COPG2: variants seen among roughly 807,000 people sequenced by gnomAD.
COPG2 encodes the protein coatomer subunit gamma-2.
In COPG2, 37 loss-of-function variants were observed where a neutral mutation model predicts 46.3. The ratio of observed to expected loss-of-function variants is 0.80; its 90% CI spans 0.61 to 1.05. The LOEUF (loss-of-function observed/expected upper bound fraction) is 1.05. Among genes scored for constraint, COPG2 ranks in the 50% least tolerant of loss-of-function variants. The probability of loss-of-function intolerance (pLI) is 0.00; values close to 1 mark genes in which losing one functional copy is unlikely to be tolerated. For missense variants in COPG2, 427 were observed against 387.8 expected (o/e 1.10, Z -0.85); for synonymous variants, 159 against 129.7 (o/e 1.23, Z -1.53).
rs1795558273 is a variant in COPG2, at chr7:130,644,695, C to T, written c.323+8174G>A. ...GCTGACTTTTGCTTTCCTTTTACTT[C>T]AGTTAGCATCAGGAACTCATTGCCT... is the stretch of plus-strand genomic sequence containing the variant. On this transcript the variant is annotated intron_variant, in intron 5 of 23. Coordinates refer to ENST00000425248, the MANE Select transcript of COPG2 (RefSeq NM_012133.6). Among the ~76,000 whole-genome samples, 8 of 152,308 alleles carry T rather than the reference C, an allele frequency of 5.3e-5. No individual in the cohort carries two copies. The South Asian group carries it at 1.7e-3, about 32-fold the overall frequency.
intron 5 of COPG2, among the ~76,000 whole-genome samples, chr7:130,627,320 T>C (rs1012659440): frequency 2.0e-5 from 3 of 152,170 alleles, no homozygotes; most frequent in Non-Finnish European, 2.9e-5. Flanking sequence ...CTAGGACACA[T>C]AGCCCTCCTG....
chr7:130,585,978 G>A (rs1376024770), intron 9 of COPG2, among the ~76,000 whole-genome samples: 1 of 151,986 alleles, frequency 6.6e-6, no homozygotes, highest in Non-Finnish European at 1.5e-5. Context: ...GTATCTACTC[G>A]AGGAAAAGAA....
chr7:130,609,082 T>C (rs1265079872), intron 9 of COPG2, among the ~76,000 whole-genome samples: 1 of 152,096 alleles, frequency 6.6e-6, no homozygotes, highest in African/African-American at 2.4e-5. Flanking sequence ...GGTTTTGTCA[T>C]GTTGCCCAGG....
intron 5 of COPG2, among the ~76,000 whole-genome samples, chr7:130,641,553 T>C (rs975146173): frequency 4.6e-5 from 7 of 152,224 alleles, no homozygotes; most frequent in African/African-American, 1.4e-4. Context: ...ATGTTAAAAC[T>C]GGGAAAGAGG....
At chr7:130,607,316 A>G (rs1317808203) in intron 9 of COPG2, 3 of 178,612 alleles carry the variant, frequency 1.7e-5, no homozygotes, top group Admixed American at 1.2e-4. Context: ...AGATGCTACA[A>G]AGTTTTTGTT....
intron 19 of COPG2, 23 bp from the exon 20 acceptor site, chr7:130,547,868 A>C (rs2116381468): frequency 2.5e-6 from 1 of 398,694 alleles, no homozygotes; most frequent in East Asian, 3.6e-5. Flanking sequence ...TAAATGGAAA[A>C]GCTGTGAAGG....
chr7:130,623,463 A>G (rs1795069986), intron 5 of COPG2, among the ~76,000 whole-genome samples: 1 of 152,104 alleles, frequency 6.6e-6, no homozygotes, highest in Non-Finnish European at 1.5e-5. Context: ...TTAATTGTAC[A>G]CGCCTTAGAT....
chr7:130,662,938 C>A, intron 4 of COPG2, 29 bp downstream of exon 4: 7 of 1,371,596 alleles, frequency 5.1e-6, no homozygotes, highest in Non-Finnish European at 7.0e-6. Context: ...GGAGGTTTTT[C>A]ATCGTAAAAA....
chr7:130,586,705 GC>G (rs1170787171), intron 9 of COPG2, among the ~76,000 whole-genome samples: 2 of 151,808 alleles, frequency 1.3e-5, no homozygotes, highest in African/African-American at 4.8e-5. Flanking sequence ...GTCGTCATCT[GC>G]CCACCTCGGC....
intron 20 of COPG2, among the ~76,000 whole-genome samples, chr7:130,538,272 T>A (rs1799903722): frequency 6.6e-6 from 1 of 151,868 alleles, no homozygotes; most frequent in South Asian, 2.1e-4. Flanking sequence ...AGTGAGACAT[T>A]GGAGTGGAGC....
Position 130,542,094 on chromosome 7 carries a change from C to T in COPG2, c.2149+5580G>A, listed in dbSNP as rs1388672339. 4.0e-5 allele frequency among the ~76,000 whole-genome samples: 5 copies of T among 125,950 alleles called. 1 individual carries two copies. The highest frequency in any genetic ancestry group is 4.8e-4 in the South Asian group (2 of 4,176). 82.6% of individuals were successfully genotyped at this position (125,950 alleles called of 152,430 possible). ...GCAGGTTATGGAGGCCAGCAGCTTA[C>T]GGAGGTGAGCTTGTTGAGAGGATCA... On this transcript the variant is annotated intron_variant, in intron 20 of 23. Transcript: ENST00000425248.
At chr7:130,526,302 G>C (rs1799774127) in intron 20 of COPG2, among the ~76,000 whole-genome samples, 1 of 152,136 alleles carries the variant, frequency 6.6e-6, no homozygotes, top group South Asian at 2.1e-4. Flanking sequence ...AGGAGAGCAG[G>C]TCAAAGTAGT....
chr7:130,591,744 C>G (rs1443383667), intron 9 of COPG2, among the ~76,000 whole-genome samples: 2 of 140,984 alleles, frequency 1.4e-5, no homozygotes, highest in Non-Finnish European at 3.1e-5. Context: ...GTCAGCCCCC[C>G]GCCCGGCCAG....
chr7:130,592,476 T>C (rs1794450963), intron 9 of COPG2, among the ~76,000 whole-genome samples: 2 of 150,692 alleles, frequency 1.3e-5, no homozygotes, highest in Non-Finnish European at 3.0e-5. Flanking sequence ...AATTAAACAA[T>C]ATTATAATAA....
At chr7:130,606,093 T>C (rs559585541) in intron 9 of COPG2, among the ~76,000 whole-genome samples, 2 of 152,112 alleles carry the variant, frequency 1.3e-5, no homozygotes, top group African/African-American at 4.8e-5. Context: ...CCCAAAGTGC[T>C]GGGATGCCTA....
intron 20 of COPG2, among the ~76,000 whole-genome samples, chr7:130,543,216 T>G (rs1433624287): frequency 6.6e-6 from 1 of 152,154 alleles, no homozygotes; most frequent in Non-Finnish European, 1.5e-5. Context: ...CCAACAAAAT[T>G]AGCAGAGCCA....
intron 5 of COPG2, among the ~76,000 whole-genome samples, chr7:130,644,787 C>A (rs544521912): frequency 1.1e-4 from 17 of 152,230 alleles, no homozygotes; most frequent in African/African-American, 3.9e-4. Context: ...GCTGGCCGGG[C>A]GCAGTGGCTC....
chr7:130,620,187 G>C (rs1159427889), intron 5 of COPG2, among the ~76,000 whole-genome samples: 3 of 151,958 alleles, frequency 2.0e-5, no homozygotes, highest in Non-Finnish European at 4.4e-5. Flanking sequence ...CTATTAAATT[G>C]CTTAAATTTT....
intron 20 of COPG2, among the ~76,000 whole-genome samples, chr7:130,541,443 C>T (rs968185943): frequency 4.2e-4 from 63 of 151,768 alleles, no homozygotes; most frequent in Non-Finnish European, 5.9e-4. Flanking sequence ...GGACTGACAG[C>T]AGCACCCAGG....
Sources: allele counts gnomAD v4.1 joint callset (sites outside exome capture counted in the v4.1 genomes callset), GRCh38; gene constraint gnomAD v4.1.1; transcripts MANE v1.5; gene names NCBI Gene and HGNC (gene_info 2026-07-23, HGNC 2026-07-21).